GNAL: variants seen among roughly 807,000 people sequenced by gnomAD.
The protein encoded by GNAL is G protein subunit alpha L, also known as guanine nucleotide-binding protein G(olf) subunit alpha.
Under a neutral mutation model 55.1 loss-of-function variants are expected in GNAL, and 18 were observed. The ratio of observed to expected loss-of-function variants is 0.33; its 90% confidence interval spans 0.23 to 0.48. The LOEUF (loss-of-function observed/expected upper bound fraction) is 0.48, where lower values mean the gene tolerates loss of function less well. GNAL is among the 20% of genes least tolerant of loss of function. The pLI is 0.99. For synonymous variants in GNAL, 253 were observed against 237.0 expected, an observed-to-expected ratio of 1.07 and a Z score of -0.62; for missense variants, 412 against 614.1, an observed-to-expected ratio of 0.67 and a Z score of 3.48.
chr18:11,740,286 G>A (rs2032549400), intron 1 of GNAL, among the ~76,000 whole-genome samples: 1 of 151,772 alleles, frequency 6.6e-6, no homozygotes. Context: ...CTTACTTTCC[G>A]ACATAACAGT....
intron 4 of GNAL, among the ~76,000 whole-genome samples, chr18:11,765,167 C>T (rs2033365792): frequency 6.6e-6 from 1 of 152,170 alleles, no homozygotes; most frequent in South Asian, 2.1e-4. Context: ...CACCAGCACA[C>T]CAAGAAATCG....
At chr18:11,715,366 C>G (rs2031935227) in intron 1 of GNAL, among the ~76,000 whole-genome samples, 1 of 146,752 alleles carries the variant, frequency 6.8e-6, no homozygotes, top group South Asian at 2.1e-4. Context: ...GAGGCTGAGG[C>G]AGGAGAATGG....
chr18:11,854,990 G>A (rs1021794916), intron 5 of GNAL, among the ~76,000 whole-genome samples: 3 of 152,050 alleles, frequency 2.0e-5, no homozygotes, highest in African/African-American at 4.8e-5. Context: ...CCACGATCTC[G>A]GCTCACTGCT....
intron 4 of GNAL, among the ~76,000 whole-genome samples, chr18:11,776,344 AC>A (rs1275308651): frequency 3.3e-5 from 5 of 152,208 alleles, no homozygotes; most frequent in Non-Finnish European, 7.3e-5. Flanking sequence ...GAATATGTTA[AC>A]AAAAAGAGGG....
At chr18:11,723,532 T>C (rs545825435) in intron 1 of GNAL, among the ~76,000 whole-genome samples, 16 of 152,292 alleles carry the variant, frequency 1.1e-4, no homozygotes, top group African/African-American at 3.8e-4. Context: ...CTACCCCCAT[T>C]TATTACTATG....
At position 11,751,945 on chromosome 18, in the gene GNAL, G is replaced by GCGCGCTCTGTCCTCCGCGC. The variant is rs1300241367; in HGVS notation, c.377-906_377-888dup. On this transcript the variant is annotated intron_variant, in intron 1 of 11. Coordinates refer to ENST00000334049, the MANE Select transcript of GNAL (RefSeq NM_182978.4). This position sits in a 1 kb window ranked among gnomAD's most constrained non-coding sequence, Gnocchi z 4.5. ...ATCGTCGCCCTCTGGGACCCCGGTG[G>GCGCGCTCTGTCCTCCGCGC]CGCGCTCTGTCCTCCGCGCCACGCT... is the stretch of plus-strand genomic sequence containing the variant. Among the ~76,000 whole-genome samples, 3 of 152,304 alleles carry GCGCGCTCTGTCCTCCGCGC rather than the reference G, an allele frequency of 2.0e-5. No individual in the cohort carries two copies. Among genetic ancestry groups the GCGCGCTCTGTCCTCCGCGC allele is most frequent in the African/African-American group, 4.8e-5 (2 of 41,586 alleles).
Position 11,689,659 on chromosome 18 carries a change from C to CGCCCCG in GNAL, c.107_112dup (p.Pro36_Ala37dup), listed in dbSNP as rs767243364. ...AGCCGCCGGTGGAGGACGCGCAGCC[C>CGCCCCG]GCCCCGGCCCCGGCCCTGGCCCCAG... On this transcript the variant is annotated inframe_insertion, in exon 1 of 12. Transcript: ENST00000334049. The CGCCCCG allele has an allele frequency of 3.1e-5, 42 of 1,368,744 alleles. No homozygotes were observed. The highest frequency in any genetic ancestry group is 3.6e-5 in the Non-Finnish European group (38 of 1,056,094). 84.8% of individuals were successfully genotyped at this position (1,368,744 alleles called of 1,614,324 possible). A position where few individuals can be genotyped will look rare whatever the true frequency, so the allele number is the denominator to read the frequency against.
At chr18:11,875,795 AAC>A (rs1485460269) in intron 10 of GNAL, among the ~76,000 whole-genome samples, 3 of 152,226 alleles carry the variant, frequency 2.0e-5, no homozygotes, top group Non-Finnish European at 4.4e-5. Flanking sequence ...AGAATGGACT[AAC>A]ACAGCTGGAT....
At chr18:11,840,666 A>G (rs2035593990) in intron 5 of GNAL, among the ~76,000 whole-genome samples, 2 of 152,138 alleles carry the variant, frequency 1.3e-5, no homozygotes, top group African/African-American at 4.8e-5. Context: ...TCTCATAGTT[A>G]GCGTTCTTCC....
At chr18:11,832,717 G>C (rs2035412256) in intron 5 of GNAL, among the ~76,000 whole-genome samples, 1 of 151,954 alleles carries the variant, frequency 6.6e-6, no homozygotes, top group African/African-American at 2.4e-5. Context: ...AATTAGCCGG[G>C]CATGGTGGTG....
chr18:11,813,114 GC>G (rs1185107529), intron 4 of GNAL, among the ~76,000 whole-genome samples: 1 of 151,882 alleles, frequency 6.6e-6, no homozygotes, highest in Non-Finnish European at 1.5e-5. Context: ...AATTAGTCGA[GC>G]ATGGTGGCAC....
chr18:11,698,700 A>T (rs534988183), intron 1 of GNAL, among the ~76,000 whole-genome samples: 1 of 149,128 alleles, frequency 6.7e-6, no homozygotes, highest in Non-Finnish European at 1.5e-5. Flanking sequence ...AGCTGGGGTG[A>T]TGACGGATGA....
At chr18:11,807,039 G>A (rs2034682457) in intron 4 of GNAL, among the ~76,000 whole-genome samples, 1 of 151,996 alleles carries the variant, frequency 6.6e-6, no homozygotes, top group South Asian at 2.1e-4. Flanking sequence ...CACGCCTGTA[G>A]TTCCAGCTAC....
At chr18:11,706,357 A>AT (rs1189534603) in intron 1 of GNAL, among the ~76,000 whole-genome samples, 2 of 152,156 alleles carry the variant, frequency 1.3e-5, no homozygotes, top group Non-Finnish European at 2.9e-5. Flanking sequence ...AAAAATATTG[A>AT]TAAAAAGTGC....
intron 1 of GNAL, among the ~76,000 whole-genome samples, chr18:11,708,249 A>T (rs1000973533): frequency 1.3e-5 from 2 of 151,852 alleles, no homozygotes; most frequent in Non-Finnish European, 2.9e-5. Context: ...GACAGTCTTC[A>T]TTTGAACACT....
chr18:11,841,659 A>AG (rs1383942739), intron 5 of GNAL, among the ~76,000 whole-genome samples: 19 of 149,520 alleles, frequency 1.3e-4, no homozygotes, highest in African/African-American at 3.5e-4. Flanking sequence ...AAAAAAAAAA[A>AG]AAAGAAAGAA....
chr18:11,870,484 G>A (rs1360913147), intron 9 of GNAL, among the ~76,000 whole-genome samples: 2 of 152,052 alleles, frequency 1.3e-5, no homozygotes, highest in Non-Finnish European at 2.9e-5. Context: ...TCGCACCACT[G>A]AACTCCAGCC....
chr18:11,712,095 C>T (rs2031852883), intron 1 of GNAL, among the ~76,000 whole-genome samples: 1 of 152,246 alleles, frequency 6.6e-6, no homozygotes, highest in Non-Finnish European at 1.5e-5. Context: ...TGCACCTTTT[C>T]CCAATCAGCC....
chr18:11,813,298 A>G (rs77704337), intron 4 of GNAL, among the ~76,000 whole-genome samples: 2,934 of 152,002 alleles, frequency 0.019, 112 homozygotes, highest in African/African-American at 0.068. Flanking sequence ...AACATGTTCA[A>G]TTATGTTCAT....
Sources: gnomAD v4.1 joint callset for allele counts (sites outside exome capture counted in the v4.1 genomes callset) on GRCh38, gnomAD v4.1.1 for gene constraint, Gnocchi (gnomAD v3.1) non-coding constraint, MANE v1.5 for transcripts, NCBI Gene and HGNC (gene_info 2026-07-23, HGNC 2026-07-21) for gene names.